Variants in AP4B1 observed in about 807,000 individuals in gnomAD.
The protein encoded by AP4B1 is AP-4 complex subunit beta-1.
In AP4B1, 49 loss-of-function variants were observed where a neutral mutation model predicts 76.5. That is an observed-to-expected ratio of 0.64 (90% CI 0.51 to 0.81). The LOEUF is 0.81. Among genes scored for constraint, AP4B1 ranks in the 40% least tolerant of loss-of-function variants. The pLI, the probability that AP4B1 is intolerant of heterozygous loss-of-function variation, is 0.00. For synonymous variants in AP4B1, 330 were observed against 333.3 expected, an observed-to-expected ratio of 0.99 and a Z score of 0.11; for missense variants, 911 against 904.9, an observed-to-expected ratio of 1.01 and a Z score of -0.09.
chr1:113,902,530 T>C, intron 2 of AP4B1, 108 bp downstream of exon 2: 1 of 1,119,122 alleles, frequency 8.9e-7, no homozygotes, highest in Non-Finnish European at 1.3e-6. Flanking sequence ...ACAATAATGT[T>C]TTCCCCAGTA....
Position 113,901,925 on chromosome 1 carries a change from C to T in AP4B1, c.339-40G>A, listed in dbSNP as rs549574613. On this transcript the variant is annotated intron_variant, in intron 2 of 9. Transcript: ENST00000369569. ...CTGGAGTTAGCCAGATTCTGAAATA[C>T]TAATTTTGACATACCTCAGCCCCTG... 3 of 1,613,690 alleles carry T rather than the reference C, an allele frequency of 1.9e-6. No individual in the cohort carries two copies. In the South Asian group the frequency reaches 3.3e-5, roughly 18 times the overall value.
At chr1:113,898,094 T>C (rs1451647138) in intron 6 of AP4B1, 151 bp from the exon 7 acceptor site, 3 of 1,397,852 alleles carry the variant, frequency 2.1e-6, no homozygotes, top group Middle Eastern at 2.5e-4. Context: ...CTAAGAAATG[T>C]AATGAAATAA....
chr1:113,902,729 C>G lies in AP4B1; in HGVS notation c.247G>C (p.Ala83Pro), dbSNP rs149478319. Residue 83 changes from alanine to proline, a missense_variant, in exon 2 of 10, where the codon GCT becomes CCT. By Grantham distance (27) the Ala-to-Pro change is conservative. Transcript: ENST00000369569. The stretch of plus-strand genomic sequence containing the variant: ...CACAGCGTATTGATGGCCAGGAGAG[C>G]CAGATCTGGTTTCAGGGGAGCATAT... ...CTYAPLKPDLALLAINTLCKD... is the reference protein window; with the variant it reads ...CTYAPLKPDLPLLAINTLCKD... 110 of 1,614,062 alleles carry G rather than the reference C, an allele frequency of 6.8e-5. No homozygotes were observed. The highest frequency in any genetic ancestry group is 8.9e-5 in the Non-Finnish European group (105 of 1,180,048).
intron 2 of AP4B1, 80 bp downstream of exon 2, chr1:113,902,558 A>T: frequency 7.1e-7 from 1 of 1,414,824 alleles, no homozygotes; most frequent in Non-Finnish European, 1.0e-6. Context: ...GCTCAAATAA[A>T]TTATCCTCTT....
At chr1:113,904,474 C>A in intron 1 of AP4B1, 131 bp downstream of exon 1, 1 of 854,492 alleles carries the variant, frequency 1.2e-6, no homozygotes, top group Non-Finnish European at 2.0e-6. Context: ...TCCAAAGCAG[C>A]AGGACGAAGA....
In AP4B1 at chr1:113,901,477, ACTT is replaced by A. The variant is rs1378339787; in HGVS notation, c.470-97_470-95del. The A allele has an allele frequency of 3.5e-6, 5 of 1,421,550 alleles. No individual in the cohort carries two copies. The African/African-American group carries it at 5.7e-5, about 16-fold the overall frequency. The allele number at this position is 1,421,550 out of a possible 1,614,324, so 88.1% of individuals were successfully genotyped here. On this transcript the variant is annotated intron_variant, in intron 3 of 9. Transcript: ENST00000369569. ...AATAGCTCCAGGTAGACAAAGTTGAACTTCTCTGCTACAAAAATGACAAAGGCC... is the reference window on the plus strand; with the variant it reads ...AATAGCTCCAGGTAGACAAAGTTGAACTCTGCTACAAAAATGACAAAGGCC...
chr1:113,896,133 AG>A, intron 8 of AP4B1, 95 bp from the exon 9 acceptor site: 1 of 1,593,482 alleles, frequency 6.3e-7, no homozygotes, highest in Non-Finnish European at 8.6e-7. Context: ...TGAAGGAGAG[AG>A]GAAAACCTAG....
At chr1:113,903,254 C>T (rs183893441) in intron 1 of AP4B1, among the ~76,000 whole-genome samples, 11 of 152,260 alleles carry the variant, frequency 7.2e-5, no homozygotes, top group Admixed American at 3.9e-4. Context: ...TTAGTAGAGA[C>T]GGGGTTTCTC....
chr1:113,903,000 A>G (rs1289371763), intron 1 of AP4B1, 138 bp from the exon 2 acceptor site: 2 of 740,878 alleles, frequency 2.7e-6, no homozygotes, highest in Non-Finnish European at 4.8e-6. Context: ...TACCTTGTCT[A>G]TTATATCACA....
intron 2 of AP4B1, among the ~76,000 whole-genome samples, chr1:113,902,353 T>C (rs77493246): frequency 6.6e-6 from 1 of 152,164 alleles, no homozygotes; most frequent in East Asian, 1.9e-4. Flanking sequence ...TCATTTGGAA[T>C]AATGATGCAC....
At position 113,896,261 on chromosome 1, in the gene AP4B1, T is replaced by C. The variant is rs1230787334; in HGVS notation, c.1507A>G (p.Ile503Val). The change falls in exon 8 of 10, where the codon ATA becomes GTA. Residue 503 changes from isoleucine (I) to valine (V), a missense_variant. Ile to Val is a conservative substitution (Grantham distance 29). Transcript: ENST00000369569. ...DMLGRLLYYC[I>V]EEEKDMAVRD... ...TATTTCCTTCTGAAAAACCCACCTATGCAGTAATACAACAAACGTCCTAGC... is the reference window on the plus strand; with the variant it reads ...TATTTCCTTCTGAAAAACCCACCTACGCAGTAATACAACAAACGTCCTAGC... 6.2e-6 allele frequency: 10 copies of C among 1,614,032 alleles called. No homozygotes were observed. The highest frequency in any genetic ancestry group is 1.1e-5 in the South Asian group (1 of 91,080).
intron 2 of AP4B1, 120 bp downstream of exon 2, chr1:113,902,518 G>T: frequency 9.9e-7 from 1 of 1,011,438 alleles, no homozygotes; most frequent in Non-Finnish European, 1.5e-6. Context: ...TGAGTTCAGG[G>T]TACAATAATG....
At chr1:113,904,998 C>T (rs1250961426), upstream of AP4B1, 1 of 448,138 alleles carries the variant, frequency 2.2e-6, no homozygotes, top group Non-Finnish European at 4.2e-6. Context: ...CTTCTAGGTC[C>T]TCCGCCGGAT....
At chr1:113,897,539 G>T (rs1164012405) in intron 7 of AP4B1, 14 of 400,022 alleles carry the variant, frequency 3.5e-5, no homozygotes, top group Non-Finnish European at 2.4e-5. Context: ...GGTTGCAGTG[G>T]GCCGAGATCA....
Position 113,900,212 on chromosome 1 carries a change from A to G in AP4B1, c.806T>C (p.Val269Ala). ...GACCCGCACAAGGACATCAGTTTGT[A>G]CGTGGGGAAACATTTTTGCCAAGAT... is the stretch of plus-strand genomic sequence containing the variant. ...FLILAKMFPH[V>A]QTDVLVRVKG... is the part of the protein sequence containing the mutation. The change falls in exon 5 of 10, where the codon GTA (valine) becomes GCA (alanine). Residue 269 changes from valine (V) to alanine (A), a missense_variant. Val to Ala is a moderately conservative substitution (Grantham distance 64). Coordinates refer to ENST00000369569, the MANE Select transcript of AP4B1 (RefSeq NM_001253852.3). The G allele has an allele frequency of 6.2e-7, 1 of 1,610,968 alleles. No homozygotes were observed.
intron 7 of AP4B1, 112 bp downstream of exon 7, chr1:113,897,728 G>T: frequency 8.8e-7 from 1 of 1,142,464 alleles, no homozygotes; most frequent in Non-Finnish European, 1.3e-6. Flanking sequence ...CAATCAATTC[G>T]AAGAGTGCCC....
At chr1:113,895,641 A>G in intron 9 of AP4B1, 116 bp downstream of exon 9, 2 of 1,546,538 alleles carry the variant, frequency 1.3e-6, no homozygotes, top group Non-Finnish European at 1.8e-6. Flanking sequence ...TTGCTCACAA[A>G]TGCTTCAAAT....
intron 5 of AP4B1, chr1:113,899,692 A>C: frequency 1.4e-6 from 1 of 701,548 alleles, no homozygotes; most frequent in Non-Finnish European, 2.4e-6. Flanking sequence ...CCATCCTGGA[A>C]GATACAGCAA....
Position 113,904,644 on chromosome 1 carries a change from T to C in AP4B1, c.74A>G (p.Asp25Gly). 5.0e-6 allele frequency: 8 copies of C among 1,613,730 alleles called. No individual in the cohort carries two copies. Among genetic ancestry groups the C allele is most frequent in the Non-Finnish European group, 5.1e-6 (6 of 1,180,018 alleles). Residue 25 changes from aspartate to glycine, a missense_variant, in exon 1 of 10, where the codon GAT becomes GGT. By Grantham distance (94) the Asp-to-Gly change is moderately conservative. Transcript: ENST00000369569. Reference sequence around the variant, plus strand: ...GATGACATTCCGGTAGCGCAGCCTATCAGCTTGAATGTGAGGATTGCACAG... The same window carrying C: ...GATGACATTCCGGTAGCGCAGCCTACCAGCTTGAATGTGAGGATTGCACAG... ...KALCNPHIQA[D>G]RLRYRNVIQR...
Sources: allele counts gnomAD v4.1 joint callset (sites outside exome capture counted in the v4.1 genomes callset), GRCh38; gene constraint gnomAD v4.1.1; transcripts MANE v1.5; gene names NCBI Gene and HGNC (gene_info 2026-07-23, HGNC 2026-07-21).